Variants in EPN2 observed in about 807,000 individuals in gnomAD.
The protein encoded by EPN2 is epsin 2.
Under a neutral mutation model 61.7 loss-of-function variants are expected in EPN2, and 34 were observed. The observed-to-expected ratio is 0.55, with a 90% CI of 0.42 to 0.73. The LOEUF (loss-of-function observed/expected upper bound fraction) is 0.73. Ranked by LOEUF, EPN2 falls within the 30% of genes least tolerant of loss-of-function variation. The pLI, the probability that EPN2 is intolerant of heterozygous loss-of-function variation, is 0.00. For missense variants in EPN2, 714 were observed against 839.2 expected (o/e 0.85, Z 1.84); for synonymous variants, 349 against 353.6 (o/e 0.99, Z 0.15).
intron 1 of EPN2, among the ~76,000 whole-genome samples, chr17:19,279,520 G>A (rs1021680959): frequency 8.1e-5 from 12 of 148,706 alleles, no homozygotes; most frequent in African/African-American, 1.2e-4. Flanking sequence ...CTCACTGCAA[G>A]CTCTGCCTCC....
chr17:19,328,995 T>C, intron 8 of EPN2, 108 bp downstream of exon 8: 1 of 975,888 alleles, frequency 1.0e-6, no homozygotes, highest in African/African-American at 1.6e-5. Flanking sequence ...TTGCATTTGC[T>C]CCCCTCCTCC....
chr17:19,252,763 C>G (rs2045028350), intron 1 of EPN2, among the ~76,000 whole-genome samples: 1 of 152,322 alleles, frequency 6.6e-6, no homozygotes, highest in African/African-American at 2.4e-5. Context: ...GATCTCTGCT[C>G]ACCGCAACCT....
chr17:19,307,520 G>A (rs1905905917), intron 4 of EPN2, among the ~76,000 whole-genome samples: 1 of 152,124 alleles, frequency 6.6e-6, no homozygotes, highest in African/African-American at 2.4e-5. Flanking sequence ...CATCATGTTA[G>A]CTAGGATGGT....
chr17:19,307,514 A>G (rs905941696), intron 4 of EPN2, among the ~76,000 whole-genome samples: 13 of 152,118 alleles, frequency 8.5e-5, no homozygotes, highest in Non-Finnish European at 1.2e-4. Flanking sequence ...AGGTTTCATC[A>G]TGTTAGCTAG....
chr17:19,281,316 A>C (rs1251616228), intron 1 of EPN2, among the ~76,000 whole-genome samples: 2 of 152,200 alleles, frequency 1.3e-5, no homozygotes, highest in African/African-American at 2.4e-5. Context: ...TCAATCATTC[A>C]CATGCAAAAA....
chr17:19,300,153 C>T (rs1905410882), intron 4 of EPN2, among the ~76,000 whole-genome samples: 1 of 152,062 alleles, frequency 6.6e-6, no homozygotes, highest in Non-Finnish European at 1.5e-5. Flanking sequence ...TCCGGAGAAG[C>T]GGAGGGGCCA....
At chr17:19,276,773 G>GTTTTTCTTTTTTTTTTTT (rs370693392) in intron 1 of EPN2, among the ~76,000 whole-genome samples, 6 of 119,328 alleles carry the variant, frequency 5.0e-5, no homozygotes, top group African/African-American at 2.1e-4. Flanking sequence ...ATGAGAATAA[G>GTTTTTCTTTTTTTTTTTT]TTTTTTTTTT....
At chr17:19,291,344 C>T (rs748916610) in intron 4 of EPN2, among the ~76,000 whole-genome samples, 9 of 151,826 alleles carry the variant, frequency 5.9e-5, no homozygotes, top group African/African-American at 1.2e-4. Context: ...CCTCCACTCT[C>T]GAGTGGCCTG....
chr17:19,250,046 A>G (rs543694008), intron 1 of EPN2, among the ~76,000 whole-genome samples: 33 of 151,594 alleles, frequency 2.2e-4, no homozygotes, highest in Non-Finnish European at 4.3e-4. Flanking sequence ...CGTTGGGCAC[A>G]CTGAATAATC....
intron 1 of EPN2, among the ~76,000 whole-genome samples, chr17:19,244,593 T>A (rs1016615324): frequency 6.6e-6 from 1 of 152,162 alleles, no homozygotes; most frequent in Non-Finnish European, 1.5e-5. Context: ...CTGCAGCAAT[T>A]CAGATTTAAT....
At chr17:19,244,352 G>A (rs932080905) in intron 1 of EPN2, among the ~76,000 whole-genome samples, 2 of 152,104 alleles carry the variant, frequency 1.3e-5, no homozygotes, top group Non-Finnish European at 2.9e-5. Flanking sequence ...CCAACTACTC[G>A]AGAGGCTGAG....
At chr17:19,278,991 C>T (rs987585947) in intron 1 of EPN2, among the ~76,000 whole-genome samples, 1 of 152,170 alleles carries the variant, frequency 6.6e-6, no homozygotes, top group Non-Finnish European at 1.5e-5. Context: ...CTATAAACTT[C>T]AAGAAAATAG....
chr17:19,313,603 G>C (rs925196660), intron 7 of EPN2: 2 of 322,142 alleles, frequency 6.2e-6, no homozygotes, highest in African/African-American at 4.3e-5. Context: ...TACACCCAGC[G>C]TCCCAGCTGA....
chr17:19,331,860 T>G lies in EPN2; in HGVS notation c.1419T>G (p.Ser473=). The G allele has an allele frequency of 6.2e-7, 1 of 1,614,080 alleles. No individual in the cohort carries two copies. Among genetic ancestry groups the G allele is most frequent in the Non-Finnish European group, 8.5e-7 (1 of 1,179,926 alleles). Residue 473 remains serine (S), a synonymous_variant, in exon 10 of 11, where the codon TCT becomes TCG. Coordinates refer to ENST00000314728, the MANE Select transcript of EPN2 (RefSeq NM_014964.5). ...NLRTSKKTAE[S]VTSLPSQNNG... is the part of the protein sequence containing the mutation. Reference sequence around the variant, plus strand: ...TGTGTCCTTGTCTTGTAGCCGAATCTGTGACCTCTCTGCCATCCCAAAACA... The same window carrying G: ...TGTGTCCTTGTCTTGTAGCCGAATCGGTGACCTCTCTGCCATCCCAAAACA...
intron 9 of EPN2, chr17:19,330,689 G>A (rs1907118218): frequency 6.6e-6 from 1 of 152,260 alleles, no homozygotes; most frequent in African/African-American, 2.4e-5. Context: ...ATTGTTACAT[G>A]TCAGCTTTTG....
chr17:19,328,953 C>T, intron 8 of EPN2, 66 bp downstream of exon 8: 1 of 1,446,990 alleles, frequency 6.9e-7, no homozygotes, highest in African/African-American at 1.4e-5. Context: ...GCAGCCGCTC[C>T]TGGCTCCTAG....
At chr17:19,318,717 G>C (rs1289494331) in intron 7 of EPN2, among the ~76,000 whole-genome samples, 1 of 151,972 alleles carries the variant, frequency 6.6e-6, no homozygotes, top group Non-Finnish European at 1.5e-5. Context: ...GCTAACTGGA[G>C]GTGTCAGAAG....
At chr17:19,297,271 T>C (rs1382138025) in intron 4 of EPN2, 4 of 152,192 alleles carry the variant, frequency 2.6e-5, no homozygotes, top group African/African-American at 9.7e-5. Flanking sequence ...GTTCTTAATC[T>C]GGAGAGGAAC....
intron 1 of EPN2, among the ~76,000 whole-genome samples, chr17:19,281,345 C>G (rs982550904): frequency 1.2e-4 from 19 of 152,184 alleles, no homozygotes; most frequent in Non-Finnish European, 2.6e-4. Context: ...TGTGGAGATT[C>G]CGAGGATTTT....
Sources: allele counts gnomAD v4.1 joint callset (sites outside exome capture counted in the v4.1 genomes callset), GRCh38; gene constraint gnomAD v4.1.1; transcripts MANE v1.5; gene names NCBI Gene and HGNC (gene_info 2026-07-23, HGNC 2026-07-21).